Variants in PDE7B observed in about 807,000 individuals in gnomAD.
The protein encoded by PDE7B is 3',5'-cyclic-AMP phosphodiesterase 7B.
A neutral mutation model predicts 56.2 loss-of-function variants in PDE7B; 29 were observed. The observed-to-expected ratio is 0.52, with a 90% CI of 0.38 to 0.70. The LOEUF (loss-of-function observed/expected upper bound fraction) is 0.70, where lower values mean the gene tolerates loss of function less well. Among genes scored for constraint, PDE7B ranks in the 30% least tolerant of loss-of-function variants. The probability of loss-of-function intolerance (pLI) is 0.00; values close to 1 mark genes in which losing one functional copy is unlikely to be tolerated. For missense variants in PDE7B, 490 were observed against 565.0 expected (o/e 0.87, Z 1.35); for synonymous variants, 197 against 196.9 (o/e 1.00, Z 0.00).
chr6:136,086,472 C>G (rs928902002), intron 2 of PDE7B, among the ~76,000 whole-genome samples: 1 of 152,120 alleles, frequency 6.6e-6, no homozygotes, highest in African/African-American at 2.4e-5. Flanking sequence ...AGGGAACCCC[C>G]TTGTTAATGG....
chr6:135,900,241 T>A (rs1775976126), intron 1 of PDE7B, among the ~76,000 whole-genome samples: 1 of 152,186 alleles, frequency 6.6e-6, no homozygotes, highest in Non-Finnish European at 1.5e-5. Context: ...CATGTGAATC[T>A]TTTTAGTGCA....
chr6:136,162,956 G>T (rs1778733813), intron 8 of PDE7B, among the ~76,000 whole-genome samples: 1 of 152,212 alleles, frequency 6.6e-6, no homozygotes, highest in South Asian at 2.1e-4. Flanking sequence ...GCCTTGCAGG[G>T]TACAACCCCC....
intron 2 of PDE7B, among the ~76,000 whole-genome samples, chr6:135,978,582 T>C (rs1311422084): frequency 6.6e-6 from 1 of 152,128 alleles, no homozygotes; most frequent in Non-Finnish European, 1.5e-5. Context: ...AATACTTTTT[T>C]ACTCCTTTAT....
chr6:135,965,725 C>G (rs1329532962), intron 2 of PDE7B, among the ~76,000 whole-genome samples: 2 of 152,136 alleles, frequency 1.3e-5, no homozygotes, highest in Non-Finnish European at 2.9e-5. Flanking sequence ...CCTCCCATGA[C>G]ACATGGGAAT....
intron 3 of PDE7B, among the ~76,000 whole-genome samples, chr6:136,109,810 G>A (rs1039763911): frequency 1.3e-5 from 2 of 152,160 alleles, no homozygotes; most frequent in Non-Finnish European, 2.9e-5. Context: ...GTAGACTTGT[G>A]GGGGAGGTGG....
intron 11 of PDE7B, among the ~76,000 whole-genome samples, chr6:136,182,452 C>T (rs749787859): frequency 1.3e-5 from 2 of 152,136 alleles, no homozygotes; most frequent in Non-Finnish European, 2.9e-5. Flanking sequence ...ATTTTCTTTA[C>T]TGTTTGATAT....
chr6:135,982,595 A>G (rs556730670), intron 2 of PDE7B, among the ~76,000 whole-genome samples: 1 of 152,302 alleles, frequency 6.6e-6, no homozygotes, highest in African/African-American at 2.4e-5. Context: ...ATGCATATAC[A>G]TCACCTGGTC....
chr6:135,889,288 A>G (rs1261349725), intron 1 of PDE7B, among the ~76,000 whole-genome samples: 1 of 150,760 alleles, frequency 6.6e-6, no homozygotes, highest in African/African-American at 2.4e-5. Flanking sequence ...TAGATCCACC[A>G]TGTCCAGCTG....
chr6:135,907,416 G>C (rs569449240), intron 1 of PDE7B, among the ~76,000 whole-genome samples: 10 of 152,068 alleles, frequency 6.6e-5, no homozygotes, highest in African/African-American at 2.4e-4. Flanking sequence ...TCACGGATCA[G>C]GCCTCTTCCA....
At chr6:136,156,201 G>GTGTGTGTT (rs997239420) in intron 8 of PDE7B, 6 of 326,596 alleles carry the variant, frequency 1.8e-5, no homozygotes, top group African/African-American at 1.3e-4. Context: ...GTGTGTGTGT[G>GTGTGTGTT]TTTTCAGAAA....
intron 1 of PDE7B, among the ~76,000 whole-genome samples, chr6:135,934,986 AT>A (rs1386047688): frequency 5.2e-5 from 3 of 58,148 alleles, no homozygotes; most frequent in East Asian, 1.3e-3. Flanking sequence ...TATATTTTAT[AT>A]AGAGATGAAG....
chr6:135,878,076 A>AAAGGGAATACCCTAAAAGGCCC (rs1470330248), intron 1 of PDE7B, among the ~76,000 whole-genome samples: 1 of 152,190 alleles, frequency 6.6e-6, no homozygotes, highest in Non-Finnish European at 1.5e-5. Flanking sequence ...GTTCCAAGTC[A>AAAGGGAATACCCTAAAAGGCCC]AAGGGAATAC....
chr6:136,001,631 G>T (rs1375319515), intron 2 of PDE7B, among the ~76,000 whole-genome samples: 1 of 152,124 alleles, frequency 6.6e-6, no homozygotes, highest in Non-Finnish European at 1.5e-5. Flanking sequence ...GAAATGAAGC[G>T]AGAAGAGAAG....
intron 1 of PDE7B, among the ~76,000 whole-genome samples, chr6:135,884,325 C>A (rs1353464301): frequency 6.6e-6 from 1 of 152,118 alleles, no homozygotes; most frequent in South Asian, 2.1e-4. Context: ...GCTCCAGTGG[C>A]GCAATCAGCT....
chr6:136,023,997 C>A (rs1050706753), intron 2 of PDE7B, among the ~76,000 whole-genome samples: 9 of 152,036 alleles, frequency 5.9e-5, no homozygotes, highest in Non-Finnish European at 1.3e-4. Flanking sequence ...TTACAGGTGA[C>A]AATGCCTTAC....
chr6:135,879,532 G>T (rs553715382), intron 1 of PDE7B, among the ~76,000 whole-genome samples: 23 of 149,404 alleles, frequency 1.5e-4, no homozygotes, highest in East Asian at 9.7e-4. Context: ...ACAAAAAGTG[G>T]TTTTTTTTTT....
chr6:136,178,858 A>G (rs1779019639), intron 9 of PDE7B, 139 bp from the exon 10 acceptor site: 1 of 875,114 alleles, frequency 1.1e-6, no homozygotes, highest in Non-Finnish European at 1.8e-6. Flanking sequence ...TCAGGCAGTG[A>G]AGGACTGGCA....
rs538312474 is a variant in PDE7B, at chr6:135,933,569, A to G, written c.22-13895A>G. On this transcript the variant is annotated intron_variant, in intron 1 of 12. Coordinates refer to ENST00000308191, the MANE Select transcript of PDE7B (RefSeq NM_018945.4). ...GGTCTATATGTGTTGCATTATTTTG[A>G]AAGTTATTTGCTATTATTGTGTTCA... Among the ~76,000 whole-genome samples, 6 of 152,328 alleles carry G rather than the reference A, an allele frequency of 3.9e-5. No individual in the cohort carries two copies. In the East Asian group the frequency reaches 1.2e-3, roughly 29 times the overall value.
At chr6:135,857,457 T>A (rs1037099991) in intron 1 of PDE7B, among the ~76,000 whole-genome samples, 2 of 152,136 alleles carry the variant, frequency 1.3e-5, no homozygotes, top group Non-Finnish European at 2.9e-5. Flanking sequence ...AATCTTCTTT[T>A]GTTCTGGCGT....
Sources: gnomAD v4.1 joint callset for allele counts (sites outside exome capture counted in the v4.1 genomes callset) on GRCh38, gnomAD v4.1.1 for gene constraint, MANE v1.5 for transcripts, NCBI Gene and HGNC (gene_info 2026-07-23, HGNC 2026-07-21) for gene names.